The following MED27 variants were observed in gnomAD, a reference collection of about 807,000 sequenced individuals.
The protein encoded by MED27 is mediator of RNA polymerase II transcription subunit 27.
In MED27, 30 loss-of-function variants were observed where a neutral mutation model predicts 38.2. The observed-to-expected ratio is 0.79, with a 90% CI of 0.59 to 1.07. The LOEUF (loss-of-function observed/expected upper bound fraction) is 1.07. MED27 is among the 50% of genes least tolerant of loss of function. The pLI is 0.00. For missense variants in MED27, 289 were observed against 397.5 expected (o/e 0.73, Z 2.32); for synonymous variants, 122 against 153.5 (o/e 0.79, Z 1.52).
At position 132,025,512 on chromosome 9, in the gene MED27, C is replaced by A. The variant is rs867346925; in HGVS notation, c.349-11045G>T. On this transcript the variant is annotated intron_variant, in intron 2 of 7. Coordinates refer to ENST00000292035, the MANE Select transcript of MED27 (RefSeq NM_004269.4). ...TGAATTTTCTACTGATCAACAAGAG[C>A]TAGGCAGAGAAAGAGTTCTACTACT... Among the ~76,000 whole-genome samples, 3 of 152,186 alleles carry A rather than the reference C, an allele frequency of 2.0e-5. No individual in the cohort carries two copies. In the South Asian group the frequency reaches 6.2e-4, roughly 31 times the overall value.
intron 3 of MED27, among the ~76,000 whole-genome samples, chr9:131,963,728 C>T (rs956203628): frequency 7.2e-5 from 11 of 152,304 alleles, no homozygotes; most frequent in Admixed American, 3.3e-4. Flanking sequence ...TTATGAGCAT[C>T]GGCTCCTGTG....
chr9:132,056,900 G>T (rs1833590806), intron 2 of MED27, among the ~76,000 whole-genome samples: 1 of 152,290 alleles, frequency 6.6e-6, no homozygotes, highest in African/African-American at 2.4e-5. Context: ...CCGACGCTGA[G>T]GTAATGTAAA....
At chr9:131,902,599 C>A (rs1829972127) in intron 4 of MED27, among the ~76,000 whole-genome samples, 4 of 152,176 alleles carry the variant, frequency 2.6e-5, no homozygotes, top group Admixed American at 2.6e-4. Context: ...AACCGATGTT[C>A]TTCCATACTG....
At chr9:131,921,880 G>A (rs1229604333) in intron 4 of MED27, among the ~76,000 whole-genome samples, 1 of 152,146 alleles carries the variant, frequency 6.6e-6, no homozygotes, top group East Asian at 1.9e-4. Context: ...GTAGGGACAT[G>A]GATGAAGCTG....
At position 132,066,176 on chromosome 9, in the gene MED27, G is replaced by A. The variant is rs879377282; in HGVS notation, c.348+11266C>T. Among the ~76,000 whole-genome samples the A allele has an allele frequency of 5.3e-5, 8 of 152,364 alleles. No individual in the cohort carries two copies. The South Asian group carries it at 1.0e-3, about 20-fold the overall frequency. On this transcript the variant is annotated intron_variant, in intron 2 of 7. Coordinates refer to ENST00000292035, the MANE Select transcript of MED27 (RefSeq NM_004269.4). ...AGCAGGCAGCCGCAGTGTGGTCAGC[G>A]TGACTGCCCAGAGGCTGTGGGGCAA...
rs79181835 is a variant in MED27 at position 131,997,803 on chromosome 9, C to T, written c.479+16534G>A. 9.5e-3 allele frequency among the ~76,000 whole-genome samples: 1,450 copies of T among 152,298 alleles called. 5 individuals are homozygous for T. Among genetic ancestry groups the T allele is most frequent in the Middle Eastern group, 0.034 (10 of 294 alleles). ...GCCTCTGTAAAGCTGAGGCAAGTAA[C>T]GGTACCTCTCAAAGGACAGCGTTCA... On this transcript the variant is annotated intron_variant, in intron 3 of 7. Transcript: ENST00000292035. The surrounding 1 kb of genome is among the most constrained non-coding windows in gnomAD (Gnocchi z 4.0).
chr9:131,882,798 C>A (rs534079314), intron 6 of MED27, among the ~76,000 whole-genome samples: 1 of 152,324 alleles, frequency 6.6e-6, no homozygotes, highest in South Asian at 2.1e-4. Context: ...CTGGCCACAG[C>A]CCCCAGTTAA....
Position 131,872,305 on chromosome 9 carries a change from T to G in MED27, c.724-9165A>C, listed in dbSNP as rs1838850851. 2.0e-5 allele frequency among the ~76,000 whole-genome samples: 3 copies of G among 152,246 alleles called. No homozygotes were observed. Among genetic ancestry groups the G allele is most frequent in the Non-Finnish European group, 4.4e-5 (3 of 68,044 alleles). On this transcript the variant is annotated intron_variant, in intron 6 of 7. Coordinates refer to ENST00000292035, the MANE Select transcript of MED27 (RefSeq NM_004269.4). This position sits in a 1 kb window ranked among gnomAD's most constrained non-coding sequence, Gnocchi z 5.6. ...ACAGAGACGCTCTTCCTAACGCACCTGCTGAGGGCATTATCTGCCAGCACA... is the reference window on the plus strand; with the variant it reads ...ACAGAGACGCTCTTCCTAACGCACCGGCTGAGGGCATTATCTGCCAGCACA...
rs532685647 is a variant in MED27 at position 131,989,874 on chromosome 9, G to A, written c.479+24463C>T. The stretch of plus-strand genomic sequence containing the variant: ...ATATAGCTGTACTCAAACACCTGCC[G>A]TTAGGAAGCAATGTATCTACCTGGC... On this transcript the variant is annotated intron_variant, in intron 3 of 7. Coordinates refer to ENST00000292035, the MANE Select transcript of MED27 (RefSeq NM_004269.4). Among the ~76,000 whole-genome samples, 59 of 152,078 alleles carry A rather than the reference G, an allele frequency of 3.9e-4. 1 individual carries two copies. The South Asian group carries it at 8.7e-3, about 22-fold the overall frequency.
chr9:131,945,077 A>G (rs1036301342), intron 3 of MED27, among the ~76,000 whole-genome samples: 1 of 146,904 alleles, frequency 6.8e-6, no homozygotes, highest in African/African-American at 2.5e-5. Context: ...TTATATATAA[A>G]TATATATAAA....
chr9:132,049,516 AAC>A (rs1833415879), intron 2 of MED27, among the ~76,000 whole-genome samples: 1 of 152,192 alleles, frequency 6.6e-6, no homozygotes. Flanking sequence ...GGGAGGAGGC[AAC>A]AGACTGGGAG....
At chr9:132,012,741 AC>A (rs568262609) in intron 3 of MED27, among the ~76,000 whole-genome samples, 170 of 152,166 alleles carry the variant, frequency 1.1e-3, no homozygotes, top group Middle Eastern at 6.8e-3. Context: ...AAGCATAACT[AC>A]AAATTATGGC....
chr9:131,971,419 T>C (rs1046589428), intron 3 of MED27, among the ~76,000 whole-genome samples: 5 of 152,172 alleles, frequency 3.3e-5, no homozygotes, highest in African/African-American at 4.8e-5. Context: ...GGCCAGATCA[T>C]GGAAGCCTTT....
rs1838636830 is a variant in MED27, at chr9:131,860,633, AC to A, written c.840del (p.Cys281AlafsTer83). 6.2e-7 allele frequency: 1 copy of A among 1,612,886 alleles called. No individual in the cohort carries two copies. Among genetic ancestry groups the A allele is most frequent in the Non-Finnish European group, 8.5e-7 (1 of 1,179,614 alleles). On this transcript the variant is annotated frameshift_variant, in exon 8 of 8. Transcript: ENST00000292035. LOFTEE classifies it high-confidence loss of function. This position sits in a 1 kb window ranked among gnomAD's most constrained non-coding sequence, Gnocchi z 5.8. The part of the protein sequence containing the change: ...LRSYIKLFQA[P>X]CQRCGKFLQD... The stretch of plus-strand genomic sequence containing the variant: ...TGCAGAAACTTCCCGCAGCGCTGGC[AC>A]GGGGCCTGGAACAGCTTTATGTAAC...
intron 4 of MED27, among the ~76,000 whole-genome samples, chr9:131,916,981 C>T (rs1476159273): frequency 1.3e-5 from 2 of 152,204 alleles, no homozygotes; most frequent in Non-Finnish European, 2.9e-5. Context: ...AGAGCCCCAT[C>T]TCAAAGAATG....
At chr9:131,938,615 C>T (rs1830724529) in intron 4 of MED27, among the ~76,000 whole-genome samples, 3 of 152,160 alleles carry the variant, frequency 2.0e-5, no homozygotes, top group Admixed American at 2.0e-4. Flanking sequence ...TCAGAGCAAA[C>T]CATAATCAGA....
At chr9:132,048,439 A>C (rs1313893705) in intron 2 of MED27, among the ~76,000 whole-genome samples, 1 of 152,208 alleles carries the variant, frequency 6.6e-6, no homozygotes, top group African/African-American at 2.4e-5. Flanking sequence ...TTAGGGAAAA[A>C]ATTAATATGA....
At chr9:131,990,794 G>A (rs1327615955) in intron 3 of MED27, among the ~76,000 whole-genome samples, 2 of 152,218 alleles carry the variant, frequency 1.3e-5, no homozygotes, top group African/African-American at 2.4e-5. Flanking sequence ...CTGGAGGACT[G>A]CGGCTCGCAA....
chr9:131,909,930 G>A (rs1209803135), intron 4 of MED27, among the ~76,000 whole-genome samples: 1 of 152,230 alleles, frequency 6.6e-6, no homozygotes, highest in Admixed American at 6.5e-5. Flanking sequence ...ACTGAAAACT[G>A]TGAATTCCTA....
Sources: allele counts gnomAD v4.1 joint callset (sites outside exome capture counted in the v4.1 genomes callset), GRCh38; gene constraint gnomAD v4.1.1; non-coding constraint Gnocchi (gnomAD v3.1); transcripts MANE v1.5; gene names NCBI Gene and HGNC (gene_info 2026-07-23, HGNC 2026-07-21).